The following KIF15 variants were observed in gnomAD, a reference collection of about 807,000 sequenced individuals.
The protein encoded by KIF15 is kinesin-like protein KIF15.
In KIF15, 140 loss-of-function variants were observed where a neutral mutation model predicts 190.6. The observed-to-expected ratio is 0.73, with a 90% CI of 0.64 to 0.84. The LOEUF (loss-of-function observed/expected upper bound fraction) is 0.84, where lower values mean the gene tolerates loss of function less well. KIF15 is among the 40% of genes least tolerant of loss of function. The probability of loss-of-function intolerance (pLI) is 0.00; values close to 1 mark genes in which losing one functional copy is unlikely to be tolerated. For synonymous variants in KIF15, 528 were observed against 551.3 expected (o/e 0.96, Z 0.59); for missense variants, 1,372 against 1,584.4 (o/e 0.87, Z 2.28).
chr3:44,829,594 TTA>T (rs1491443908), intron 24 of KIF15, among the ~76,000 whole-genome samples: 1 of 123,488 alleles, frequency 8.1e-6, no homozygotes, highest in Admixed American at 9.3e-5. Flanking sequence ...ATATTATATA[TTA>T]TATATGCATA....
At chr3:44,775,161 T>A in intron 2 of KIF15, 93 bp from the exon 3 acceptor site, 1 of 993,262 alleles carries the variant, frequency 1.0e-6, no homozygotes, top group Non-Finnish European at 1.5e-6. Flanking sequence ...AGAAACTCAT[T>A]ATAGAAACAT....
At chr3:44,813,258 C>T (rs1707877826) in intron 19 of KIF15, 78 bp downstream of exon 19, 2 of 823,386 alleles carry the variant, frequency 2.4e-6, no homozygotes, top group Non-Finnish European at 3.8e-6. Flanking sequence ...TTAATAAATG[C>T]TGTTCCTATG....
intron 30 of KIF15, among the ~76,000 whole-genome samples, 153 bp from the exon 31 acceptor site, chr3:44,847,832 A>G (rs1006338869): frequency 6.6e-6 from 1 of 152,282 alleles, no homozygotes; most frequent in Non-Finnish European, 1.5e-5. Context: ...CACATTTATC[A>G]ACTGTACTGA....
intron 26 of KIF15, among the ~76,000 whole-genome samples, chr3:44,836,508 C>A (rs989770282): frequency 6.6e-6 from 1 of 151,994 alleles, no homozygotes; most frequent in African/African-American, 2.4e-5. Flanking sequence ...AAAATTCTAA[C>A]AACAGATGGG....
intron 20 of KIF15, among the ~76,000 whole-genome samples, chr3:44,825,318 T>C (rs1349995653): frequency 6.6e-6 from 1 of 152,246 alleles, no homozygotes; most frequent in African/African-American, 2.4e-5. Context: ...TATCTGTCTT[T>C]AGCAATTGAT....
Position 44,826,428 on chromosome 3 carries a change from A to C in KIF15, c.2754A>C (p.Leu918Phe), listed in dbSNP as rs765732280. 1 of 1,612,906 alleles carries C rather than the reference A, an allele frequency of 6.2e-7. No homozygotes were observed. The highest frequency in any genetic ancestry group is 8.5e-7 in the Non-Finnish European group (1 of 1,179,310). The change falls in exon 22 of 35, where the codon TTA becomes TTC. Residue 918 changes from leucine to phenylalanine, a missense_variant. Leu to Phe is a conservative substitution (Grantham distance 22). Transcript: ENST00000326047. ...AAGAACGCAATAACAAATTATCATT[A>C]CAGTTTGAAGAAGATAAAGAAAACA... The part of the protein sequence containing the change: ...AEKERNNKLS[L>F]QFEEDKENSS...
intron 19 of KIF15, among the ~76,000 whole-genome samples, chr3:44,814,581 G>GATT (rs1464701914): frequency 3.3e-5 from 5 of 152,186 alleles, no homozygotes; most frequent in African/African-American, 4.8e-5. Context: ...AAAGTACTGG[G>GATT]ATTATAGGCA....
intron 26 of KIF15, among the ~76,000 whole-genome samples, chr3:44,833,530 A>G (rs1255011561): frequency 2.6e-5 from 4 of 152,086 alleles, no homozygotes; most frequent in African/African-American, 9.6e-5. Flanking sequence ...CCTGGCACGC[A>G]GTTTGCAATA....
Position 44,829,968 on chromosome 3 carries a change from C to T in KIF15, c.2944-3C>T. The T allele has an allele frequency of 9.7e-6, 15 of 1,552,836 alleles. No homozygotes were observed. Among genetic ancestry groups the T allele is most frequent in the Non-Finnish European group, 1.3e-5 (15 of 1,152,764 alleles). On this transcript the variant is annotated splice_polypyrimidine_tract_variant and splice_region_variant and intron_variant, in intron 24 of 34. Coordinates refer to ENST00000326047, the MANE Select transcript of KIF15 (RefSeq NM_020242.3). ...ATGAAGATATTATTTCTGTCCTCAT[C>T]AGAAAGTTGTAGCTGACCTCATGAA... is the stretch of plus-strand genomic sequence containing the variant.
At chr3:44,837,520 G>A in intron 26 of KIF15, among the ~76,000 whole-genome samples, 1 of 151,880 alleles carries the variant, frequency 6.6e-6, no homozygotes, top group Non-Finnish European at 1.5e-5. Context: ...GATGTGTCAA[G>A]TTTTTTTAAA....
At chr3:44,772,178 T>A (rs1015184740) in intron 1 of KIF15, among the ~76,000 whole-genome samples, 6 of 152,180 alleles carry the variant, frequency 3.9e-5, no homozygotes, top group Non-Finnish European at 8.8e-5. Flanking sequence ...TTCACCAATT[T>A]CGTAACTGGA....
intron 16 of KIF15, among the ~76,000 whole-genome samples, chr3:44,809,837 C>T (rs1354453512): frequency 1.3e-5 from 2 of 152,084 alleles, no homozygotes; most frequent in Non-Finnish European, 2.9e-5. Context: ...GAGGCCAAAG[C>T]GGGCAGATCA....
rs74951279 is a variant in KIF15, at chr3:44,859,913, A to C, written c.*59+7119A>C. Among the ~76,000 whole-genome samples the C allele has an allele frequency of 2.1e-3, 322 of 152,288 alleles. 1 individual carries two copies. Among genetic ancestry groups the C allele is most frequent in the Non-Finnish European group, 3.4e-3 (234 of 68,024 alleles). ...TCCCTAGGTGATGTGTGTACACAGGAGTTTCTTAGAGGCAGAAATCACTTC... is the reference window on the plus strand; with the variant it reads ...TCCCTAGGTGATGTGTGTACACAGGCGTTTCTTAGAGGCAGAAATCACTTC... On this transcript the variant is annotated intron_variant and NMD_transcript_variant, in intron 6 of 6. Coordinates refer to the KIF15 transcript ENST00000422209.
rs777104335 is a variant in KIF15, at chr3:44,841,110, G to C, written c.3457G>C (p.Ala1153Pro). The change falls in exon 29 of 35, where the codon GCA (alanine) becomes CCA (proline). Residue 1153 changes from alanine (A) to proline (P), a missense_variant. By Grantham distance (27) the Ala-to-Pro change is conservative (BLOSUM62 -1). Coordinates refer to ENST00000326047, the MANE Select transcript of KIF15 (RefSeq NM_020242.3). The part of the protein sequence containing the change: ...KTPPHFQTHL[A>P]KLLETQEQEI... ...ACCACCTCACTTTCAAACACATTTG[G>C]CAAAACTCCTGGAAACACAAGAACA... The C allele has an allele frequency of 1.2e-6, 2 of 1,613,462 alleles. No homozygotes were observed. Among genetic ancestry groups the C allele is most frequent in the East Asian group, 4.5e-5 (2 of 44,850 alleles).
At chr3:44,805,300 T>A in intron 15 of KIF15, 132 bp downstream of exon 15, 1 of 821,936 alleles carries the variant, frequency 1.2e-6, no homozygotes, top group Non-Finnish European at 1.9e-6. Flanking sequence ...TACTTTGACA[T>A]GAAGAGAAAG....
chr3:44,769,179 G>C (rs1166127269), intron 1 of KIF15, among the ~76,000 whole-genome samples: 2 of 152,158 alleles, frequency 1.3e-5, no homozygotes, highest in African/African-American at 4.8e-5. Context: ...TTACCTATCT[G>C]TGAAGAGAGG....
At chr3:44,783,297 A>G (rs915685739) in intron 5 of KIF15, among the ~76,000 whole-genome samples, 4 of 152,154 alleles carry the variant, frequency 2.6e-5, no homozygotes, top group Admixed American at 2.0e-4. Context: ...TGCTGCTTCA[A>G]CTCATGGCAG....
Position 44,784,829 on chromosome 3 carries a change from T to TG in KIF15, c.362-16_362-15insG. On this transcript the variant is annotated splice_polypyrimidine_tract_variant and intron_variant, in intron 5 of 34. Coordinates refer to ENST00000326047, the MANE Select transcript of KIF15 (RefSeq NM_020242.3). The stretch of plus-strand genomic sequence containing the variant: ...AATAGAATAAAAATCCAGTGTTTTT[T>TG]TTTTCATTTTTTTAGGACCATCTGA... 1 of 1,357,656 alleles carries TG rather than the reference T, an allele frequency of 7.4e-7. No individual in the cohort carries two copies. Among genetic ancestry groups the TG allele is most frequent in the Non-Finnish European group, 1.0e-6 (1 of 970,762 alleles). The allele number at this position is 1,357,656 out of a possible 1,614,324, so 84.1% of individuals were successfully genotyped here.
At chr3:44,787,945 C>G (rs1706491928) in intron 7 of KIF15, among the ~76,000 whole-genome samples, 1 of 152,076 alleles carries the variant, frequency 6.6e-6, no homozygotes, top group Non-Finnish European at 1.5e-5. Flanking sequence ...ACCTCCGCCT[C>G]CTAGGTTCAA....
Sources: gnomAD v4.1 joint callset for allele counts (sites outside exome capture counted in the v4.1 genomes callset) on GRCh38, gnomAD v4.1.1 for gene constraint, MANE v1.5 for transcripts, NCBI Gene and HGNC (gene_info 2026-07-23, HGNC 2026-07-21) for gene names.